Variants in LCLAT1 observed in about 807,000 individuals in gnomAD.
LCLAT1 encodes the protein 1-AGP acyltransferase 8.
A neutral mutation model predicts 30.7 loss-of-function variants in LCLAT1; 11 were observed. The observed-to-expected ratio is 0.36, with a 90% CI of 0.23 to 0.59. LCLAT1 has a LOEUF of 0.59. Ranked by LOEUF, LCLAT1 falls within the 20% of genes least tolerant of loss-of-function variation. The pLI is 0.77. For synonymous variants in LCLAT1, 155 were observed against 151.3 expected (o/e 1.02, Z -0.18); for missense variants, 402 against 458.6 (o/e 0.88, Z 1.13).
intron 3 of LCLAT1, among the ~76,000 whole-genome samples, chr2:30,534,119 T>C (rs2148397947): frequency 6.6e-6 from 1 of 152,252 alleles, no homozygotes; most frequent in African/African-American, 2.4e-5. Flanking sequence ...ATTCCTCTAT[T>C]AGTATACTGA....
chr2:30,640,230 C>T lies in LCLAT1; in HGVS notation c.742C>T (p.His248Tyr). ...DFPREIHFHVHRYPIDTLPTS... is the reference protein window; with the variant it reads ...DFPREIHFHVYRYPIDTLPTS... ...TCCCAGGGAAATCCACTTTCACGTC[C>T]ACCGGTATCCAATAGACACCCTCCC... The change falls in exon 6 of 6, where the codon CAC (histidine) becomes TAC (tyrosine). Residue 248 changes from histidine (H) to tyrosine (Y), a missense_variant. Physicochemically the swap from His to Tyr is moderately conservative, Grantham distance 83 (BLOSUM62 2). Transcript: ENST00000379509. 1.2e-6 allele frequency: 2 copies of T among 1,614,062 alleles called. No homozygotes were observed. The highest frequency in any genetic ancestry group is 1.7e-6 in the Non-Finnish European group (2 of 1,179,904).
At chr2:30,581,286 A>G (rs1173497940) in intron 5 of LCLAT1, among the ~76,000 whole-genome samples, 1 of 152,130 alleles carries the variant, frequency 6.6e-6, no homozygotes, top group Non-Finnish European at 1.5e-5. Context: ...GCCTTTGATT[A>G]GATACCCCTG....
At chr2:30,627,413 A>T (rs2148523558) in intron 5 of LCLAT1, among the ~76,000 whole-genome samples, 1 of 152,262 alleles carries the variant, frequency 6.6e-6, no homozygotes, top group East Asian at 1.9e-4. Flanking sequence ...CCTCCTCTAC[A>T]TTCTGTTTCC....
intron 1 of LCLAT1, among the ~76,000 whole-genome samples, chr2:30,525,036 A>T (rs1184293000): frequency 1.4e-5 from 1 of 71,638 alleles, no homozygotes; most frequent in Non-Finnish European, 4.0e-5. Context: ...ATATGGTTTT[A>T]TGTTAAAAAA....
intron 4 of LCLAT1, among the ~76,000 whole-genome samples, chr2:30,565,738 A>G (rs1437186576): frequency 6.6e-6 from 1 of 152,232 alleles, no homozygotes; most frequent in Non-Finnish European, 1.5e-5. Context: ...TAATAAAAAT[A>G]TGTCAGTCAT....
chr2:30,622,280 C>T (rs1476754033), intron 5 of LCLAT1, among the ~76,000 whole-genome samples: 1 of 152,176 alleles, frequency 6.6e-6, no homozygotes, highest in East Asian at 1.9e-4. Context: ...GAGCTCAGAC[C>T]AGCCTAACCC....
intron 5 of LCLAT1, among the ~76,000 whole-genome samples, chr2:30,579,320 A>G (rs1182481084): frequency 2.0e-5 from 3 of 152,214 alleles, no homozygotes; most frequent in Non-Finnish European, 4.4e-5. Context: ...TATACATTAA[A>G]GGTGTTTATA....
intron 3 of LCLAT1, among the ~76,000 whole-genome samples, chr2:30,551,611 G>A (rs984915514): frequency 2.6e-5 from 4 of 152,190 alleles, no homozygotes; most frequent in Admixed American, 6.5e-5. Context: ...GAGGTTTGAT[G>A]TGGGTTCTAC....
chr2:30,447,873 G>C (rs554494824), intron 1 of LCLAT1, among the ~76,000 whole-genome samples: 69 of 152,366 alleles, frequency 4.5e-4, no homozygotes, highest in African/African-American at 1.5e-3. Context: ...AGGGGCTGGG[G>C]TTGTCTTCCC....
At chr2:30,514,827 A>G (rs908203948) in intron 1 of LCLAT1, among the ~76,000 whole-genome samples, 5 of 152,318 alleles carry the variant, frequency 3.3e-5, no homozygotes, top group African/African-American at 1.2e-4. Context: ...AACAAAATCA[A>G]TCTGTATACT....
At chr2:30,521,435 G>A (rs1270887316) in intron 1 of LCLAT1, among the ~76,000 whole-genome samples, 1 of 140,100 alleles carries the variant, frequency 7.1e-6, no homozygotes, top group Non-Finnish European at 1.5e-5. Flanking sequence ...CAGCTTTGCT[G>A]TAATGTGACC....
At chr2:30,636,373 G>A (rs1410487786) in intron 5 of LCLAT1, among the ~76,000 whole-genome samples, 1 of 152,170 alleles carries the variant, frequency 6.6e-6, no homozygotes, top group Non-Finnish European at 1.5e-5. Flanking sequence ...ACTCCAGGAG[G>A]TAAAGTTAGA....
chr2:30,552,844 A>G (rs1243121914), intron 3 of LCLAT1, among the ~76,000 whole-genome samples: 1 of 152,226 alleles, frequency 6.6e-6, no homozygotes, highest in East Asian at 1.9e-4. Flanking sequence ...ATAAAAGTTT[A>G]TATAAAATTT....
intron 1 of LCLAT1, among the ~76,000 whole-genome samples, chr2:30,479,583 A>G (rs12471248): frequency 0.13 from 19,316 of 152,190 alleles, 1,363 homozygotes; most frequent in South Asian, 0.23. Context: ...GATAAAAGAC[A>G]GGTAAGACTA....
chr2:30,562,914 T>A (rs1052556191), intron 4 of LCLAT1, among the ~76,000 whole-genome samples: 1 of 152,152 alleles, frequency 6.6e-6, no homozygotes, highest in African/African-American at 2.4e-5. Context: ...TAGGTTACCT[T>A]TCTCCTGATA....
intron 1 of LCLAT1, among the ~76,000 whole-genome samples, chr2:30,506,898 A>G (rs926947504): frequency 2.0e-5 from 3 of 152,208 alleles, no homozygotes; most frequent in Non-Finnish European, 4.4e-5. Flanking sequence ...ATGGAAAAAA[A>G]CAATCAGTTT....
At chr2:30,537,684 A>C (rs1338233535) in intron 3 of LCLAT1, among the ~76,000 whole-genome samples, 1 of 152,196 alleles carries the variant, frequency 6.6e-6, no homozygotes, top group Non-Finnish European at 1.5e-5. Context: ...ATCCAGACAG[A>C]AAATCAACCA....
chr2:30,622,393 C>T (rs886537802), intron 5 of LCLAT1, among the ~76,000 whole-genome samples: 1 of 152,134 alleles, frequency 6.6e-6, no homozygotes, highest in South Asian at 2.1e-4. Context: ...ACCTGAGAAA[C>T]CCAAATACTT....
chr2:30,543,907 T>C (rs1280942418), intron 3 of LCLAT1, among the ~76,000 whole-genome samples: 1 of 152,152 alleles, frequency 6.6e-6, no homozygotes, highest in Non-Finnish European at 1.5e-5. Flanking sequence ...TATTCTTATC[T>C]TTATTATTTC....
Sources: allele counts gnomAD v4.1 joint callset (sites outside exome capture counted in the v4.1 genomes callset), GRCh38; gene constraint gnomAD v4.1.1; transcripts MANE v1.5; gene names NCBI Gene and HGNC (gene_info 2026-07-23, HGNC 2026-07-21).